CADM2: variants seen among roughly 807,000 people sequenced by gnomAD.
CADM2 encodes immunoglobulin superfamily member 4D.
Under a neutral mutation model 49.8 loss-of-function variants are expected in CADM2, and 12 were observed. The observed-to-expected ratio is 0.24, with a 90% CI of 0.15 to 0.39. The LOEUF (loss-of-function observed/expected upper bound fraction) is 0.39. Among genes scored for constraint, CADM2 ranks in the 10% least tolerant of loss-of-function variants. The pLI, the probability that CADM2 is intolerant of heterozygous loss-of-function variation, is 1.00. For missense variants in CADM2, 378 were observed against 492.3 expected (o/e 0.77, Z 2.20); for synonymous variants, 214 against 175.4 (o/e 1.22, Z -1.74).
At chr3:85,968,189 A>G (rs1725695462) in intron 8 of CADM2, among the ~76,000 whole-genome samples, 2 of 151,636 alleles carry the variant, frequency 1.3e-5, no homozygotes, top group Non-Finnish European at 3.0e-5. Flanking sequence ...TCGCTGAGAT[A>G]AAACGCTATC....
Position 85,726,449 on chromosome 3 carries a change from C to T in CADM2, c.62-73C>T, listed in dbSNP as rs752404570. Reference sequence around the variant, plus strand: ...GACTTTAATAGCAATAACATCTCTGCTTTCTTACTAGAGAATCTGTCTAAT... The same window carrying T: ...GACTTTAATAGCAATAACATCTCTGTTTTCTTACTAGAGAATCTGTCTAAT... On this transcript the variant is annotated intron_variant, in intron 1 of 9. Coordinates refer to ENST00000383699, the MANE Select transcript of CADM2 (RefSeq NM_001167675.2). 11 of 1,519,830 alleles carry T rather than the reference C, an allele frequency of 7.2e-6. No homozygotes were observed. The East Asian group carries it at 9.0e-5, about 12-fold the overall frequency. The allele number at this position is 1,519,830 out of a possible 1,614,324, so 94.1% of individuals were successfully genotyped here. A position where few individuals can be genotyped will look rare whatever the true frequency, so the allele number is the denominator to read the frequency against.
chr3:85,888,463 T>C (rs978419554), intron 5 of CADM2, among the ~76,000 whole-genome samples: 1 of 152,162 alleles, frequency 6.6e-6, no homozygotes, highest in African/African-American at 2.4e-5. Context: ...AGAACAACAA[T>C]GAAGACAGAA....
At chr3:85,666,975 A>G (rs2065589814) in intron 1 of CADM2, among the ~76,000 whole-genome samples, 1 of 152,056 alleles carries the variant, frequency 6.6e-6, no homozygotes, top group Non-Finnish European at 1.5e-5. Flanking sequence ...TTTTACTGCT[A>G]ATGATAGAAA....
At chr3:85,545,635 G>C (rs1245565444) in intron 1 of CADM2, among the ~76,000 whole-genome samples, 1 of 152,120 alleles carries the variant, frequency 6.6e-6, no homozygotes, top group Non-Finnish European at 1.5e-5. Context: ...CTGAAACTAT[G>C]AGGTCTTTTT....
At position 85,895,725 on chromosome 3, in the gene CADM2, A is replaced by G. The variant is rs1158948593; in HGVS notation, c.529+9398A>G. On this transcript the variant is annotated intron_variant, in intron 5 of 9. Coordinates refer to ENST00000383699, the MANE Select transcript of CADM2 (RefSeq NM_001167675.2). ...TTTCCATGCTGTTCTTGTAATAGTAAATAAGTCTCATGAGATCTGATGGTT... is the reference window on the plus strand; with the variant it reads ...TTTCCATGCTGTTCTTGTAATAGTAGATAAGTCTCATGAGATCTGATGGTT... 2.0e-5 allele frequency among the ~76,000 whole-genome samples: 3 copies of G among 152,096 alleles called. No individual in the cohort carries two copies. The East Asian group carries it at 5.8e-4, about 29-fold the overall frequency.
At chr3:85,619,167 C>A (rs747706865) in intron 1 of CADM2, among the ~76,000 whole-genome samples, 7 of 152,182 alleles carry the variant, frequency 4.6e-5, no homozygotes, top group Non-Finnish European at 1.0e-4. Flanking sequence ...TAACTGTGGA[C>A]TCTTTCTCAG....
At chr3:84,959,993 T>C (rs2030306245) in intron 1 of CADM2, 3 of 465,444 alleles carry the variant, frequency 6.4e-6, no homozygotes, top group East Asian at 7.6e-5. Flanking sequence ...TGTGCCTCTC[T>C]GAACATTCCA....
intron 1 of CADM2, among the ~76,000 whole-genome samples, chr3:85,025,847 G>A (rs1452009209): frequency 6.6e-6 from 1 of 151,954 alleles, no homozygotes; most frequent in Non-Finnish European, 1.5e-5. Context: ...TAGAATTCAG[G>A]AGATGGCTGA....
In CADM2 at chr3:85,262,978, T is replaced by TTTTC. The variant is rs112172844; in HGVS notation, c.61+303330_61+303333dup. 7.2e-3 allele frequency among the ~76,000 whole-genome samples: 1,090 copies of TTTTC among 151,046 alleles called. 9 individuals carry two copies. Among genetic ancestry groups the TTTTC allele is most frequent in the African/African-American group, 0.024 (964 of 40,520 alleles). On this transcript the variant is annotated intron_variant, in intron 1 of 9. Coordinates refer to ENST00000383699, the MANE Select transcript of CADM2 (RefSeq NM_001167675.2). ...GATGATTATTACTCTGTATTTATCTTTTTCTTTCTTTCTTTCTTTCTTTTT... is the reference window on the plus strand; with the variant it reads ...GATGATTATTACTCTGTATTTATCTTTTTCTTTCTTTCTTTCTTTCTTTCTTTTT...
At chr3:85,236,107 G>A (rs929437453) in intron 1 of CADM2, among the ~76,000 whole-genome samples, 26 of 151,864 alleles carry the variant, frequency 1.7e-4, no homozygotes, top group African/African-American at 6.3e-4. Context: ...GGACACTGTT[G>A]GACAGGCCAA....
chr3:85,294,248 C>A (rs2043889258), intron 1 of CADM2, among the ~76,000 whole-genome samples: 1 of 152,152 alleles, frequency 6.6e-6, no homozygotes, highest in Admixed American at 6.5e-5. Flanking sequence ...TAAAGGACCT[C>A]TTCAAGGAGA....
intron 1 of CADM2, among the ~76,000 whole-genome samples, chr3:85,714,190 T>G (rs1355045718): frequency 1.3e-5 from 2 of 152,194 alleles, no homozygotes; most frequent in African/African-American, 4.8e-5. Flanking sequence ...TTATTCCTAA[T>G]CACATTCTCC....
At chr3:85,626,441 T>G (rs1280204822) in intron 1 of CADM2, among the ~76,000 whole-genome samples, 2 of 151,968 alleles carry the variant, frequency 1.3e-5, no homozygotes, top group East Asian at 3.9e-4. Flanking sequence ...ATTATCTTTC[T>G]TTTTCTCAAA....
chr3:85,960,837 G>GT (rs1724721418), intron 7 of CADM2, among the ~76,000 whole-genome samples: 1 of 151,462 alleles, frequency 6.6e-6, no homozygotes, highest in African/African-American at 2.4e-5. Context: ...AAAGATTCAG[G>GT]TGGTTTCAAG....
chr3:85,573,532 A>G (rs1045615885), intron 1 of CADM2, among the ~76,000 whole-genome samples: 4 of 152,138 alleles, frequency 2.6e-5, no homozygotes, highest in African/African-American at 9.7e-5. Context: ...TCTAATGGCT[A>G]TATTTCTATT....
chr3:85,178,868 C>G (rs1410103344), intron 1 of CADM2, among the ~76,000 whole-genome samples: 1 of 151,748 alleles, frequency 6.6e-6, no homozygotes, highest in Admixed American at 6.6e-5. Flanking sequence ...GCTTCAATAA[C>G]TTTACTCCTA....
intron 8 of CADM2, among the ~76,000 whole-genome samples, chr3:86,020,188 A>G (rs977190229): frequency 2.0e-5 from 3 of 152,184 alleles, no homozygotes; most frequent in African/African-American, 7.2e-5. Flanking sequence ...ACAAACTACC[A>G]TCAGAGAATA....
intron 1 of CADM2, among the ~76,000 whole-genome samples, chr3:85,120,837 A>T (rs900534056): frequency 8.6e-5 from 13 of 150,650 alleles, no homozygotes; most frequent in African/African-American, 2.0e-4. Context: ...AAATGAAAAT[A>T]AAAAAAAGAT....
chr3:85,302,210 C>T (rs76557315), intron 1 of CADM2, among the ~76,000 whole-genome samples: 1 of 152,012 alleles, frequency 6.6e-6, no homozygotes, highest in Admixed American at 6.6e-5. Context: ...GTCTGAACAG[C>T]CTATTTTCGT....
Sources: allele counts gnomAD v4.1 joint callset (sites outside exome capture counted in the v4.1 genomes callset), GRCh38; gene constraint gnomAD v4.1.1; transcripts MANE v1.5; gene names NCBI Gene and HGNC (gene_info 2026-07-23, HGNC 2026-07-21).